Variants in PVT1 observed in about 807,000 individuals in gnomAD.
PVT1 encodes the protein CXCR4/PVT1 fusion.
chr8:127,981,993 A>G (rs1163937198), intron 3 of PVT1, among the ~76,000 whole-genome samples: 2 of 151,990 alleles, frequency 1.3e-5, no homozygotes, highest in East Asian at 3.9e-4. Context: ...AAGACTATAG[A>G]CTTTAGAAGC....
At chr8:127,863,572 C>T (rs185050964) in intron 2 of PVT1, among the ~76,000 whole-genome samples, 62 of 152,348 alleles carry the variant, frequency 4.1e-4, no homozygotes, top group Non-Finnish European at 4.4e-5. Flanking sequence ...CTGTTGGCGT[C>T]GGGGGTGGAC....
intron 5 of PVT1, among the ~76,000 whole-genome samples, chr8:128,071,149 C>T (rs1258288000): frequency 3.3e-5 from 5 of 152,312 alleles, no homozygotes; most frequent in South Asian, 2.1e-4. Flanking sequence ...CCCATTTCCA[C>T]ACCAGCTGCT....
At position 127,820,450 on chromosome 8, in the gene PVT1, A is replaced by C. The variant is rs552182745; in HGVS notation, n.372+24379A>C. 3.0e-4 allele frequency among the ~76,000 whole-genome samples: 46 copies of C among 152,352 alleles called. No homozygotes were observed. In the South Asian group the frequency reaches 5.6e-3, roughly 19 times the overall value. ...CTGCTCAGTAATCAGAGCAGGATGCATGATGGGATCTCTTTAAAAGTTGAT... is the reference window on the plus strand; with the variant it reads ...CTGCTCAGTAATCAGAGCAGGATGCCTGATGGGATCTCTTTAAAAGTTGAT... On this transcript the variant is annotated intron_variant and non_coding_transcript_variant, in intron 2 of 10. Transcript: ENST00000651587.
chr8:127,798,148 C>T (rs1379209081), intron 2 of PVT1, among the ~76,000 whole-genome samples: 1 of 151,694 alleles, frequency 6.6e-6, no homozygotes, highest in Non-Finnish European at 1.5e-5. Flanking sequence ...ACTACAAATA[C>T]AAAAAATTAG....
At chr8:127,933,078 T>A (rs7014739) in intron 3 of PVT1, among the ~76,000 whole-genome samples, 52,480 of 148,642 alleles carry the variant, frequency 0.35, 9,254 homozygotes, top group East Asian at 0.53. Flanking sequence ...AGTTTCATGA[T>A]TTTTTTTTTC....
chr8:128,024,320 G>T (rs111975110), intron 4 of PVT1, among the ~76,000 whole-genome samples: 22 of 152,266 alleles, frequency 1.4e-4, no homozygotes, highest in African/African-American at 5.3e-4. Flanking sequence ...GATAAAAGTT[G>T]CTTGTGGAGG....
chr8:128,031,005 C>T, intron 4 of PVT1, among the ~76,000 whole-genome samples: 1 of 152,250 alleles, frequency 6.6e-6, no homozygotes, highest in East Asian at 1.9e-4. Flanking sequence ...AGCTCTTTCA[C>T]ACCAAAGTTC....
Position 127,855,720 on chromosome 8 carries a change from G to A in PVT1, n.373-34869G>A, listed in dbSNP as rs4733800. ...CACCAGCGAGGTTGCTCAGGACAGC[G>A]TTTCTCTTGGGCCTGTGTTTGGAAC... On this transcript the variant is annotated intron_variant and non_coding_transcript_variant, in intron 2 of 10. Coordinates refer to ENST00000651587, the Ensembl canonical transcript of PVT1. Among the ~76,000 whole-genome samples the A allele has an allele frequency of 4.0e-3, 615 of 152,340 alleles. 21 individuals are homozygous for A. The highest frequency in any genetic ancestry group is 0.035 in the Admixed American group (540 of 15,308).
intron 3 of PVT1, among the ~76,000 whole-genome samples, chr8:127,965,510 C>A (rs564514592): frequency 1.3e-5 from 2 of 152,326 alleles, no homozygotes; most frequent in Admixed American, 1.3e-4. Flanking sequence ...AATGTGGCAT[C>A]GTCCTGGCAC....
intron 3 of PVT1, among the ~76,000 whole-genome samples, chr8:127,977,433 A>T (rs1472252750): frequency 2.0e-5 from 3 of 152,136 alleles, no homozygotes; most frequent in Admixed American, 6.5e-5. Context: ...CAAAGGTTGG[A>T]TTATTTAAGA....
chr8:127,831,791 C>T (rs1814853533), intron 2 of PVT1, among the ~76,000 whole-genome samples: 1 of 152,202 alleles, frequency 6.6e-6, no homozygotes, highest in Non-Finnish European at 1.5e-5. Flanking sequence ...GATTTGGCAT[C>T]AAGGAGGTTG....
chr8:127,858,805 C>T (rs375859346), intron 2 of PVT1, among the ~76,000 whole-genome samples: 1,243 of 45,752 alleles, frequency 0.027, no homozygotes, highest in Admixed American at 0.033. Flanking sequence ...CTTGAAGATT[C>T]TTTTTTTTTT....
rs570238212 is a variant in PVT1, at chr8:127,961,252, G to T, written n.783-27910G>T. ...TAGCATTTCAGAAAGCATGGCCTCT[G>T]CCATAGGAAGACAAGATCAGAGGGA... On this transcript the variant is annotated intron_variant and non_coding_transcript_variant, in intron 3 of 10. Transcript: ENST00000651587. 5.9e-4 allele frequency among the ~76,000 whole-genome samples: 90 copies of T among 152,342 alleles called. 1 individual carries two copies. The South Asian group carries it at 0.018, about 31-fold the overall frequency.
At position 127,964,728 on chromosome 8, in the gene PVT1, G is replaced by A. The variant is rs58730856; in HGVS notation, n.783-24434G>A. The stretch of plus-strand genomic sequence containing the variant: ...TTCCAATCTCTGCTCTTGTCTCCAC[G>A]TACCTTCTCTATGTCCGTCTCTCCT... On this transcript the variant is annotated intron_variant and non_coding_transcript_variant, in intron 3 of 10. Transcript: ENST00000651587. Among the ~76,000 whole-genome samples, 1,297 of 152,114 alleles carry A rather than the reference G, an allele frequency of 8.5e-3. 28 individuals carry two copies. The highest frequency in any genetic ancestry group is 0.029 in the African/African-American group (1,216 of 41,464).
chr8:127,921,854 G>GTT (rs71300279), intron 3 of PVT1, among the ~76,000 whole-genome samples: 2,059 of 71,894 alleles, frequency 0.029, 267 homozygotes, highest in Middle Eastern at 0.071. Context: ...TTTGGTTCAT[G>GTT]TTTTTTTTTT....
chr8:128,078,305 C>T (rs1470707087), intron 5 of PVT1, among the ~76,000 whole-genome samples: 2 of 152,180 alleles, frequency 1.3e-5, no homozygotes, highest in South Asian at 2.1e-4. Flanking sequence ...GTTTCTTAAA[C>T]TCCCCTCCTT....
At chr8:127,989,773 C>T (rs1172779074) in intron 4 of PVT1, among the ~76,000 whole-genome samples, 1 of 152,108 alleles carries the variant, frequency 6.6e-6, no homozygotes, top group East Asian at 1.9e-4. Context: ...GCTGAGGGTG[C>T]AGGAGGTAAA....
At chr8:127,896,109 A>G (rs1403915262) in intron 3 of PVT1, among the ~76,000 whole-genome samples, 1 of 152,238 alleles carries the variant, frequency 6.6e-6, no homozygotes, top group Non-Finnish European at 1.5e-5. Context: ...CAGTGCTTTC[A>G]TTAGGATTTT....
intron 3 of PVT1, among the ~76,000 whole-genome samples, chr8:127,936,827 A>G (rs1160302883): frequency 6.6e-6 from 1 of 152,126 alleles, no homozygotes; most frequent in Non-Finnish European, 1.5e-5. Flanking sequence ...GGGACTTGGC[A>G]TGGCACCCAC....
Sources: gnomAD v4.1 joint callset for allele counts (sites outside exome capture counted in the v4.1 genomes callset) on GRCh38, gnomAD v4.1.1 for gene constraint, MANE v1.5 for transcripts, NCBI Gene and HGNC (gene_info 2026-07-23, HGNC 2026-07-21) for gene names.